Variants in NRXN1 observed in about 807,000 individuals in gnomAD.
The protein encoded by NRXN1 is neurexin-1.
A neutral mutation model predicts 150.9 loss-of-function variants in NRXN1; 39 were observed. The observed-to-expected ratio is 0.26, with a 90% CI of 0.20 to 0.34. The LOEUF is 0.34. Ranked by LOEUF, NRXN1 falls within the 10% of genes least tolerant of loss-of-function variation. The pLI is 1.00. For synonymous variants in NRXN1, 924 were observed against 757.0 expected (o/e 1.22, Z -3.62); for missense variants, 1,815 against 1,949.9 (o/e 0.93, Z 1.30).
At chr2:50,105,036 A>G (rs1292556908) in intron 18 of NRXN1, among the ~76,000 whole-genome samples, 1 of 152,058 alleles carries the variant, frequency 6.6e-6, no homozygotes, top group Non-Finnish European at 1.5e-5. Context: ...TAAAACATCA[A>G]TCTAGTTACA....
At position 50,863,101 on chromosome 2, in the gene NRXN1, T is replaced by C. The variant is rs559759505; in HGVS notation, c.832+58768A>G. ...ATGATGGGGTACCTGATTTTTGGTG[T>C]CACTGACTATCATATTTGGTAAGGT... On this transcript the variant is annotated intron_variant, in intron 5 of 22. Transcript: ENST00000401669. 2.5e-3 allele frequency among the ~76,000 whole-genome samples: 376 copies of C among 152,142 alleles called. 1 individual carries two copies. The highest frequency in any genetic ancestry group is 3.6e-3 in the Non-Finnish European group (246 of 67,964).
intron 8 of NRXN1, among the ~76,000 whole-genome samples, chr2:50,617,156 G>T (rs1225081920): frequency 6.6e-6 from 1 of 151,870 alleles, no homozygotes; most frequent in Non-Finnish European, 1.5e-5. Flanking sequence ...CCAAAGTGCT[G>T]GGATTACAGG....
chr2:50,520,991 C>G (rs1162342013), intron 12 of NRXN1, among the ~76,000 whole-genome samples: 1 of 152,020 alleles, frequency 6.6e-6, no homozygotes, highest in East Asian at 1.9e-4. Flanking sequence ...TTAATTTTTA[C>G]ATGCATAAAC....
At chr2:50,551,416 G>C (rs1667523005) in intron 9 of NRXN1, 1 of 152,240 alleles carries the variant, frequency 6.6e-6, no homozygotes, top group Non-Finnish European at 1.5e-5. Flanking sequence ...GGAAGGATAA[G>C]AGGGAAGTAG....
At chr2:50,232,257 A>T (rs1017701991) in intron 18 of NRXN1, among the ~76,000 whole-genome samples, 3 of 152,118 alleles carry the variant, frequency 2.0e-5, no homozygotes, top group Non-Finnish European at 4.4e-5. Flanking sequence ...TTATTTTTGT[A>T]TCCACAGAGC....
intron 21 of NRXN1, among the ~76,000 whole-genome samples, chr2:50,044,798 T>C (rs1266354275): frequency 6.6e-6 from 1 of 152,236 alleles, no homozygotes; most frequent in East Asian, 1.9e-4. Context: ...CCTAGCAAAG[T>C]GTGCTACATA....
At chr2:50,188,614 A>G (rs1194880697) in intron 18 of NRXN1, among the ~76,000 whole-genome samples, 1 of 152,220 alleles carries the variant, frequency 6.6e-6, no homozygotes, top group Non-Finnish European at 1.5e-5. Flanking sequence ...AAATTTTTGC[A>G]AGCTATCCAG....
intron 21 of NRXN1, among the ~76,000 whole-genome samples, chr2:49,990,702 A>G (rs1341623732): frequency 6.6e-6 from 1 of 152,168 alleles, no homozygotes; most frequent in African/African-American, 2.4e-5. Context: ...GATGATCTTA[A>G]TAGTTACTTG....
At chr2:50,702,408 A>T (rs1693872017) in intron 5 of NRXN1, among the ~76,000 whole-genome samples, 2 of 152,114 alleles carry the variant, frequency 1.3e-5, no homozygotes, top group Admixed American at 1.3e-4. Flanking sequence ...TGTAAAACAC[A>T]GAAGAGAAAG....
At chr2:50,337,161 C>T (rs986909842) in intron 17 of NRXN1, among the ~76,000 whole-genome samples, 1 of 150,084 alleles carries the variant, frequency 6.7e-6, no homozygotes. Context: ...TCTCGGCTCA[C>T]TGCAACCTCT....
chr2:50,817,384 G>A (rs187706079), intron 5 of NRXN1, among the ~76,000 whole-genome samples: 2 of 151,700 alleles, frequency 1.3e-5, no homozygotes, highest in Admixed American at 6.6e-5. Flanking sequence ...AAAAAGAAAA[G>A]CCCAGATGAG....
chr2:50,173,639 C>A (rs1226395024), intron 18 of NRXN1, among the ~76,000 whole-genome samples: 1 of 152,088 alleles, frequency 6.6e-6, no homozygotes, highest in Admixed American at 6.6e-5. Context: ...CATAACGAGC[C>A]CATTTTTATG....
At chr2:50,078,952 G>C (rs749720631) in intron 19 of NRXN1, among the ~76,000 whole-genome samples, 9 of 151,896 alleles carry the variant, frequency 5.9e-5, no homozygotes, top group Non-Finnish European at 1.3e-4. Flanking sequence ...GTATCTATTA[G>C]GGAATCCCGA....
Position 50,588,140 on chromosome 2 carries a change from C to G in NRXN1, c.1320+31882G>C, listed in dbSNP as rs577058708. ...TAAATCCAGTTTTGCTGATTCTAGCCTATGTTCTAGGAGAGTTAAAATTTT... is the reference window on the plus strand; with the variant it reads ...TAAATCCAGTTTTGCTGATTCTAGCGTATGTTCTAGGAGAGTTAAAATTTT... On this transcript the variant is annotated intron_variant, in intron 8 of 22. Transcript: ENST00000401669. 1.6e-4 allele frequency among the ~76,000 whole-genome samples: 24 copies of G among 152,180 alleles called. 1 individual carries two copies. Among genetic ancestry groups the G allele is most frequent in the African/African-American group, 5.5e-4 (23 of 41,514 alleles).
intron 5 of NRXN1, among the ~76,000 whole-genome samples, chr2:50,653,702 G>C (rs1314375803): frequency 6.6e-6 from 1 of 152,012 alleles, no homozygotes; most frequent in African/African-American, 2.4e-5. Context: ...ATTGCGTGAA[G>C]TATTAGTATA....
intron 17 of NRXN1, among the ~76,000 whole-genome samples, chr2:50,303,868 C>T (rs1237764619): frequency 4.6e-5 from 7 of 152,014 alleles, no homozygotes; most frequent in African/African-American, 1.7e-4. Flanking sequence ...TTTTGACCTC[C>T]TCTGTGTATT....
At chr2:49,965,124 C>T (rs1396848275) in intron 21 of NRXN1, among the ~76,000 whole-genome samples, 1 of 152,040 alleles carries the variant, frequency 6.6e-6, no homozygotes, top group Non-Finnish European at 1.5e-5. Flanking sequence ...CAATGATCCA[C>T]CTGCCTTGGC....
intron 2 of NRXN1, among the ~76,000 whole-genome samples, chr2:50,973,032 G>T (rs1037823358): frequency 6.6e-5 from 10 of 152,138 alleles, no homozygotes; most frequent in African/African-American, 2.4e-4. Context: ...TCTGTACTGG[G>T]TATCTTTGTC....
chr2:50,192,421 A>G lies in NRXN1; in HGVS notation c.3546+44368T>C, dbSNP rs151130393. ...ACAAATTAGTGAACATCCATTCAAT[A>G]AAATACTATGTAGCAATTTATAATG... On this transcript the variant is annotated intron_variant, in intron 18 of 22. Transcript: ENST00000401669. Among the ~76,000 whole-genome samples the G allele has an allele frequency of 2.9e-3, 443 of 152,328 alleles. 3 individuals are homozygous for G. Among genetic ancestry groups the G allele is most frequent in the Non-Finnish European group, 5.0e-3 (340 of 68,012 alleles).
Sources: allele counts gnomAD v4.1 joint callset (sites outside exome capture counted in the v4.1 genomes callset), GRCh38; gene constraint gnomAD v4.1.1; transcripts MANE v1.5; gene names NCBI Gene and HGNC (gene_info 2026-07-23, HGNC 2026-07-21).